The following CPS1 variants were observed in gnomAD, a reference collection of about 807,000 sequenced individuals.
CPS1 encodes carbamoyl-phosphate synthase 1.
CPS1 carries 109 observed loss-of-function variants against 174.6 expected under a neutral mutation model. The ratio of observed to expected loss-of-function variants is 0.62; its 90% confidence interval spans 0.53 to 0.73. CPS1 has a LOEUF of 0.73. Among genes scored for constraint, CPS1 ranks in the 30% least tolerant of loss-of-function variants. The pLI is 0.00. For synonymous variants in CPS1, 637 were observed against 632.0 expected (o/e 1.01, Z -0.12); for missense variants, 1,689 against 1,821.9 (o/e 0.93, Z 1.33).
At chr2:210,590,950 T>A (rs780759800) in intron 9 of CPS1, 44 bp downstream of exon 9, 4 of 1,470,892 alleles carry the variant, frequency 2.7e-6, no homozygotes, top group South Asian at 2.3e-5. Flanking sequence ...AGCTCTGACA[T>A]ACTAACTAAA....
intron 7 of CPS1, among the ~76,000 whole-genome samples, chr2:210,588,693 C>T (rs1698188765): frequency 6.6e-6 from 1 of 152,044 alleles, no homozygotes; most frequent in African/African-American, 2.4e-5. Context: ...CCTCACTCCT[C>T]TCTCAGTCTG....
chr2:210,499,732 G>T (rs991047735), intron 1 of CPS1, among the ~76,000 whole-genome samples: 1 of 152,132 alleles, frequency 6.6e-6, no homozygotes, highest in Non-Finnish European at 1.5e-5. Context: ...AGCCTAGGTT[G>T]CTGGGATCCC....
intron 1 of CPS1, among the ~76,000 whole-genome samples, chr2:210,526,330 A>G (rs1340721978): frequency 1.3e-5 from 2 of 151,728 alleles, no homozygotes; most frequent in Admixed American, 6.6e-5. Flanking sequence ...ATGTATACCT[A>G]TGTAACAAAC....
chr2:210,546,686 T>G (rs1027867104), intron 1 of CPS1, among the ~76,000 whole-genome samples: 2 of 152,120 alleles, frequency 1.3e-5, no homozygotes, highest in Admixed American at 6.5e-5. Flanking sequence ...TAATTATTCT[T>G]TATAGTTTTT....
At chr2:210,559,012 A>T (rs775229631) in intron 1 of CPS1, among the ~76,000 whole-genome samples, 1 of 152,130 alleles carries the variant, frequency 6.6e-6, no homozygotes, top group African/African-American at 2.4e-5. Context: ...TTAAAATTCC[A>T]TAGAACAGCC....
chr2:210,622,890 T>G (rs1699577834), intron 21 of CPS1, among the ~76,000 whole-genome samples: 1 of 148,560 alleles, frequency 6.7e-6, no homozygotes, highest in Non-Finnish European at 1.5e-5. Flanking sequence ...CCTTATTTTG[T>G]TTTTTTGGTT....
At chr2:210,634,418 A>G (rs772630218) in intron 21 of CPS1, among the ~76,000 whole-genome samples, 2 of 152,094 alleles carry the variant, frequency 1.3e-5, no homozygotes, top group Admixed American at 6.5e-5. Context: ...CGACAGAGCG[A>G]GACTCCGTCT....
chr2:210,574,173 T>G (rs1273428441), intron 2 of CPS1, among the ~76,000 whole-genome samples: 1 of 152,064 alleles, frequency 6.6e-6, no homozygotes, highest in African/African-American at 2.4e-5. Context: ...GAGTTCTAGT[T>G]TCTTCATATA....
chr2:210,605,693 T>G (rs556500035), intron 17 of CPS1, among the ~76,000 whole-genome samples: 1 of 151,930 alleles, frequency 6.6e-6, no homozygotes, highest in East Asian at 1.9e-4. Flanking sequence ...GTGCTAAATT[T>G]GGGGTGTGAG....
intron 6 of CPS1, among the ~76,000 whole-genome samples, chr2:210,586,817 G>A (rs777782198): frequency 5.9e-5 from 9 of 151,990 alleles, no homozygotes; most frequent in Non-Finnish European, 8.8e-5. Context: ...GATAAAATGC[G>A]TATTTGTATC....
At chr2:210,566,658 C>T (rs551952701) in intron 1 of CPS1, among the ~76,000 whole-genome samples, 2 of 152,274 alleles carry the variant, frequency 1.3e-5, no homozygotes, top group Non-Finnish European at 2.9e-5. Flanking sequence ...AGACTGGGTT[C>T]AGAAACCGCT....
At chr2:210,583,984 T>A (rs1698014838) in intron 6 of CPS1, among the ~76,000 whole-genome samples, 1 of 152,076 alleles carries the variant, frequency 6.6e-6, no homozygotes, top group African/African-American at 2.4e-5. Context: ...AGGTAAAAGA[T>A]CACCTTACTT....
rs569726440 is a variant in CPS1, at chr2:210,591,095, A to G, written c.947+189A>G. 3.3e-5 allele frequency among the ~76,000 whole-genome samples: 5 copies of G among 151,822 alleles called. No individual in the cohort carries two copies. The East Asian group carries it at 7.8e-4, about 24-fold the overall frequency. ...AAAATAAAAAATAAAATAAATAACCATACCTTACGTGGTTGACAGTTGTTT... is the reference window on the plus strand; with the variant it reads ...AAAATAAAAAATAAAATAAATAACCGTACCTTACGTGGTTGACAGTTGTTT... On this transcript the variant is annotated intron_variant, in intron 9 of 37. Transcript: ENST00000233072.
At position 210,556,750 on chromosome 2, in the gene CPS1, CA is replaced by C; in HGVS notation, c.18del (p.Ala7LeufsTer5). On this transcript the variant is annotated frameshift_variant, in exon 1 of 38. Coordinates refer to ENST00000233072, the MANE Select transcript of CPS1 (RefSeq NM_001875.5). LOFTEE classifies it high-confidence loss of function. The stretch of plus-strand genomic sequence containing the variant: ...ATCATCAAAATGACGAGGATTTTGA[CA>C]GCTTTCAAAGTGGTGAGGACACTGA... MTRILTAFKVVRTLKT... is the reference protein window; with the variant it reads MTRILXAFKVVRTLKT... The C allele has an allele frequency of 6.2e-7, 1 of 1,612,724 alleles. No individual in the cohort carries two copies. Among genetic ancestry groups the C allele is most frequent in the Non-Finnish European group, 8.5e-7 (1 of 1,179,138 alleles).
intron 1 of CPS1, among the ~76,000 whole-genome samples, chr2:210,479,463 G>C (rs1305113025): frequency 6.6e-6 from 1 of 151,820 alleles, no homozygotes; most frequent in African/African-American, 2.4e-5. Flanking sequence ...AGAGTAGCTG[G>C]GATTACAGGC....
At position 210,599,550 on chromosome 2, in the gene CPS1, C is replaced by T; in HGVS notation, c.1538C>T (p.Ala513Val). 1.2e-6 allele frequency: 2 copies of T among 1,612,356 alleles called. No individual in the cohort carries two copies. Among genetic ancestry groups the T allele is most frequent in the Non-Finnish European group, 1.7e-6 (2 of 1,178,870 alleles). ...GLILGMGGQT[A>V]LNCGVELFKR... Reference sequence around the variant, plus strand: ...ATTCTGGGCATGGGTGGCCAGACAGCTCTGAACTGTGGTGAGTTCTTATAA... The same window carrying T: ...ATTCTGGGCATGGGTGGCCAGACAGTTCTGAACTGTGGTGAGTTCTTATAA... Residue 513 changes from alanine to valine, a missense_variant, in exon 14 of 38, where the codon GCT (alanine) becomes GTT (valine). Transcript: ENST00000233072.
At chr2:210,617,353 G>T (rs888572432) in intron 21 of CPS1, among the ~76,000 whole-genome samples, 5 of 151,984 alleles carry the variant, frequency 3.3e-5, no homozygotes, top group East Asian at 1.9e-4. Flanking sequence ...TTGGAAAGAC[G>T]TCTTACCTGC....
chr2:210,607,626 C>T (rs571149834), intron 18 of CPS1, among the ~76,000 whole-genome samples: 13 of 151,956 alleles, frequency 8.6e-5, no homozygotes, highest in Admixed American at 7.2e-4. Flanking sequence ...GCATGTTGCC[C>T]TGTACAGGAG....
At chr2:210,590,671 A>G (rs1698263297) in intron 8 of CPS1, 129 bp from the exon 9 acceptor site, 1 of 701,596 alleles carries the variant, frequency 1.4e-6, no homozygotes, top group Non-Finnish European at 2.5e-6. Context: ...CCTTTTTTAT[A>G]TTCTTCTTTA....
Sources: gnomAD v4.1 joint callset for allele counts (sites outside exome capture counted in the v4.1 genomes callset) on GRCh38, gnomAD v4.1.1 for gene constraint, MANE v1.5 for transcripts, NCBI Gene and HGNC (gene_info 2026-07-23, HGNC 2026-07-21) for gene names.